The following IQGAP1 variants were observed in gnomAD, a reference collection of about 807,000 sequenced individuals.
The protein encoded by IQGAP1 is IQ motif containing GTPase activating protein 1.
Under a neutral mutation model 215.6 loss-of-function variants are expected in IQGAP1, and 66 were observed. That is an observed-to-expected ratio of 0.31 (90% CI 0.25 to 0.38). The LOEUF (loss-of-function observed/expected upper bound fraction) is 0.38. Among genes scored for constraint, IQGAP1 ranks in the 10% least tolerant of loss-of-function variants. The pLI, the probability that IQGAP1 is intolerant of heterozygous loss-of-function variation, is 1.00. For missense variants in IQGAP1, 1,712 were observed against 1,997.1 expected (o/e 0.86, Z 2.72); for synonymous variants, 772 against 728.7 (o/e 1.06, Z -0.96).
Position 90,433,713 on chromosome 15 carries a change from C to T in IQGAP1, c.391-6C>T, listed in dbSNP as rs1391369478. On this transcript the variant is annotated splice_region_variant and splice_polypyrimidine_tract_variant and intron_variant, in intron 4 of 37. Coordinates refer to ENST00000268182, the MANE Select transcript of IQGAP1 (RefSeq NM_003870.4). Reference sequence around the variant, plus strand: ...ATCTTACTCTGTTTCTTTTATTTCTCCCTAGATTTTTTACCCAGAAACTAC... The same window carrying T: ...ATCTTACTCTGTTTCTTTTATTTCTTCCTAGATTTTTTACCCAGAAACTAC... 1 of 1,547,394 alleles carries T rather than the reference C, an allele frequency of 6.5e-7. No homozygotes were observed. The highest frequency in any genetic ancestry group is 8.9e-7 in the Non-Finnish European group (1 of 1,123,614).
intron 2 of IQGAP1, among the ~76,000 whole-genome samples, chr15:90,425,494 TTTTTC>T (rs751174906): frequency 7.9e-5 from 12 of 152,160 alleles, no homozygotes; most frequent in Non-Finnish European, 1.6e-4. Flanking sequence ...TGTTTTATTC[TTTTTC>T]TTTTTGGAAA....
chr15:90,457,434 GT>G (rs531622841), intron 15 of IQGAP1, among the ~76,000 whole-genome samples: 7 of 145,600 alleles, frequency 4.8e-5, no homozygotes, highest in East Asian at 3.9e-4. Context: ...GGGCTTCTTT[GT>G]TTTTTTTTTG....
chr15:90,483,087 T>G, intron 28 of IQGAP1: 1 of 357,578 alleles, frequency 2.8e-6, no homozygotes, highest in African/African-American at 2.1e-5. Flanking sequence ...AGTGTGTCAT[T>G]TTTACCTTCT....
At chr15:90,485,259 G>T (rs1449344676) in intron 30 of IQGAP1, among the ~76,000 whole-genome samples, 1 of 152,128 alleles carries the variant, frequency 6.6e-6, no homozygotes, top group Non-Finnish European at 1.5e-5. Flanking sequence ...TTTGTTGAGT[G>T]CCCCTACAAT....
rs371967986 is a variant in IQGAP1, at chr15:90,443,382, A to C, written c.829-12A>C. 63 of 1,591,100 alleles carry C rather than the reference A, an allele frequency of 4.0e-5. No individual in the cohort carries two copies. In the African/African-American group the frequency reaches 7.8e-4, roughly 20 times the overall value. ...TTAAGCTAACTTAATTACGCTTTTT[A>C]CTCATCCTCAGACAGAAAACTCAGA... On this transcript the variant is annotated splice_polypyrimidine_tract_variant and intron_variant, in intron 8 of 37. Transcript: ENST00000268182.
At chr15:90,449,002 T>C (rs1217450967) in intron 10 of IQGAP1, among the ~76,000 whole-genome samples, 1 of 152,156 alleles carries the variant, frequency 6.6e-6, no homozygotes, top group Non-Finnish European at 1.5e-5. Flanking sequence ...TTCAGCTGTC[T>C]CTCTCTCCAA....
Position 90,443,535 on chromosome 15 carries a change from T to G in IQGAP1, c.913+57T>G. The stretch of plus-strand genomic sequence containing the variant: ...GGATATTATAATATAATGTGAATGT[T>G]GATCTATTCTGGGACTTACAACATA... On this transcript the variant is annotated intron_variant, in intron 9 of 37. Transcript: ENST00000268182. 5.9e-6 allele frequency: 6 copies of G among 1,016,032 alleles called. No individual in the cohort carries two copies. In the South Asian group the frequency reaches 8.3e-5, roughly 14 times the overall value. The allele number at this position is 1,016,032 out of a possible 1,614,324, so 62.9% of individuals were successfully genotyped here.
At position 90,425,987 on chromosome 15, in the gene IQGAP1, TA is replaced by T; in HGVS notation, c.156-119del. ...GAAAGGATGTGTGTGGAACTGATTG[TA>T]AAAGAGTGCTATTATGTTCAGTTTA... On this transcript the variant is annotated intron_variant, in intron 2 of 37. Transcript: ENST00000268182. The T allele has an allele frequency of 2.3e-6, 2 of 886,656 alleles. 1 individual carries two copies. Among genetic ancestry groups the T allele is most frequent in the South Asian group, 4.0e-5 (2 of 50,034 alleles). 54.9% of individuals were successfully genotyped at this position (886,656 alleles called of 1,614,324 possible). A position where few individuals can be genotyped will look rare whatever the true frequency, so the allele number is the denominator to read the frequency against.
chr15:90,412,182 A>G (rs531651640), intron 2 of IQGAP1, among the ~76,000 whole-genome samples: 2 of 152,354 alleles, frequency 1.3e-5, no homozygotes, highest in African/African-American at 4.8e-5. Flanking sequence ...AGTTAAATAT[A>G]TAACTTGAAG....
intron 4 of IQGAP1, among the ~76,000 whole-genome samples, chr15:90,431,053 TTA>T (rs1438029401): frequency 2.4e-4 from 36 of 148,232 alleles, no homozygotes; most frequent in African/African-American, 8.6e-4. Context: ...ATATTATATA[TTA>T]TATATACACA....
chr15:90,456,392 T>G, intron 15 of IQGAP1, 77 bp downstream of exon 15: 173 of 1,413,210 alleles, frequency 1.2e-4, no homozygotes, highest in Middle Eastern at 4.1e-4. Flanking sequence ...TAGGAATATC[T>G]TCCTTGATTC....
At chr15:90,401,284 A>C (rs971390802) in intron 2 of IQGAP1, among the ~76,000 whole-genome samples, 3 of 152,192 alleles carry the variant, frequency 2.0e-5, no homozygotes, top group Non-Finnish European at 4.4e-5. Context: ...TTAATGGTTT[A>C]TTTTGAAGAG....
intron 2 of IQGAP1, among the ~76,000 whole-genome samples, chr15:90,415,627 C>T (rs1965034715): frequency 6.6e-6 from 1 of 152,194 alleles, no homozygotes; most frequent in South Asian, 2.1e-4. Flanking sequence ...CCTTTTCAGT[C>T]ATCTGTGAGA....
rs1166747730 is a variant in IQGAP1 at position 90,413,440 on chromosome 15, C to T, written c.156-12670C>T. On this transcript the variant is annotated intron_variant, in intron 2 of 37. Coordinates refer to ENST00000268182, the MANE Select transcript of IQGAP1 (RefSeq NM_003870.4). ...CCTCAGCAAGAGAGAACTGAGCTCGCGGTGGATTTTTCCTTAGGGTATTTA... is the reference window on the plus strand; with the variant it reads ...CCTCAGCAAGAGAGAACTGAGCTCGTGGTGGATTTTTCCTTAGGGTATTTA... Among the ~76,000 whole-genome samples the T allele has an allele frequency of 5.9e-5, 9 of 152,012 alleles. No individual in the cohort carries two copies. In the East Asian group the frequency reaches 1.3e-3, roughly 23 times the overall value.
At position 90,409,737 on chromosome 15, in the gene IQGAP1, T is replaced by C. The variant is rs117062577; in HGVS notation, c.156-16373T>C. Among the ~76,000 whole-genome samples the C allele has an allele frequency of 2.5e-3, 375 of 152,300 alleles. 8 individuals carry two copies. In the East Asian group the frequency reaches 0.052, roughly 21 times the overall value. ...AATTCCTGTGCCTTCCTTTTCCCCA[T>C]TGAAATTTCTCTTGCTTAGTTCCAC... On this transcript the variant is annotated intron_variant, in intron 2 of 37. Coordinates refer to ENST00000268182, the MANE Select transcript of IQGAP1 (RefSeq NM_003870.4).
intron 7 of IQGAP1, among the ~76,000 whole-genome samples, chr15:90,441,037 G>A (rs1965441835): frequency 6.6e-6 from 1 of 151,972 alleles, no homozygotes; most frequent in South Asian, 2.1e-4. Context: ...AACCCAAGAG[G>A]CAGAGGTTGC....
At chr15:90,407,825 G>T (rs1964901054) in intron 2 of IQGAP1, among the ~76,000 whole-genome samples, 1 of 152,110 alleles carries the variant, frequency 6.6e-6, no homozygotes, top group Non-Finnish European at 1.5e-5. Context: ...GGACACTCTG[G>T]GAGAACTGAA....
In IQGAP1 at chr15:90,453,942, T is replaced by C. The variant is rs190267580; in HGVS notation, c.1488-486T>C. Among the ~76,000 whole-genome samples, 5 of 152,368 alleles carry C rather than the reference T, an allele frequency of 3.3e-5. No individual in the cohort carries two copies. In the East Asian group the frequency reaches 9.6e-4, roughly 29 times the overall value. On this transcript the variant is annotated intron_variant, in intron 13 of 37. Coordinates refer to ENST00000268182, the MANE Select transcript of IQGAP1 (RefSeq NM_003870.4). ...GAGATACTAAGATTGATCCCTGGATTAGGGAGACCACTTATACTTCCATTG... is the reference window on the plus strand; with the variant it reads ...GAGATACTAAGATTGATCCCTGGATCAGGGAGACCACTTATACTTCCATTG...
Position 90,390,764 on chromosome 15 carries a change from T to A in IQGAP1, c.56-10T>A. The A allele has an allele frequency of 6.3e-7, 1 of 1,575,682 alleles. No individual in the cohort carries two copies. The highest frequency in any genetic ancestry group is 8.7e-7 in the Non-Finnish European group (1 of 1,145,274). ...ATCCTGGTGTTTACATTCTTTCTTTTATGTTGTAGCTGTCCTGGATAATGA... is the reference window on the plus strand; with the variant it reads ...ATCCTGGTGTTTACATTCTTTCTTTAATGTTGTAGCTGTCCTGGATAATGA... On this transcript the variant is annotated splice_polypyrimidine_tract_variant and intron_variant, in intron 1 of 37. Transcript: ENST00000268182.
Sources: allele counts gnomAD v4.1 joint callset (sites outside exome capture counted in the v4.1 genomes callset), GRCh38; gene constraint gnomAD v4.1.1; transcripts MANE v1.5; gene names NCBI Gene and HGNC (gene_info 2026-07-23, HGNC 2026-07-21).